The following OSBP2 variants were observed in gnomAD, a reference collection of about 807,000 sequenced individuals.
OSBP2 encodes the protein oxysterol-binding protein 2.
Under a neutral mutation model 96.0 loss-of-function variants are expected in OSBP2, and 66 were observed. That is an observed-to-expected ratio of 0.69 (90% CI 0.56 to 0.84). The LOEUF (loss-of-function observed/expected upper bound fraction) is 0.84. Among genes scored for constraint, OSBP2 ranks in the 40% least tolerant of loss-of-function variants. The pLI is 0.00. For missense variants in OSBP2, 1,038 were observed against 1,222.7 expected, an observed-to-expected ratio of 0.85 and a Z score of 2.25; for synonymous variants, 525 against 520.9, an observed-to-expected ratio of 1.01 and a Z score of -0.11.
chr22:30,778,668 A>G (rs1211979689), intron 2 of OSBP2, among the ~76,000 whole-genome samples: 1 of 152,122 alleles, frequency 6.6e-6, no homozygotes, highest in Admixed American at 6.6e-5. Context: ...TTTAAAAAAT[A>G]GAAGTGAGTG....
At chr22:30,864,009 C>T (rs1478376948) in intron 2 of OSBP2, among the ~76,000 whole-genome samples, 1 of 149,396 alleles carries the variant, frequency 6.7e-6, no homozygotes, top group African/African-American at 2.5e-5. Context: ...CTGACTCTGT[C>T]GCCCAGGCTG....
intron 2 of OSBP2, among the ~76,000 whole-genome samples, chr22:30,776,049 G>T (rs528701335): frequency 6.6e-6 from 1 of 151,726 alleles, no homozygotes; most frequent in Non-Finnish European, 1.5e-5. Flanking sequence ...TCCCACTTCA[G>T]CCTCCCAAAG....
intron 1 of OSBP2, among the ~76,000 whole-genome samples, chr22:30,701,940 A>G (rs1340878133): frequency 6.6e-6 from 1 of 152,200 alleles, no homozygotes; most frequent in East Asian, 1.9e-4. Flanking sequence ...AAGAGGTGAC[A>G]AATGGACTAG....
At position 30,774,130 on chromosome 22, in the gene OSBP2, G is replaced by A. The variant is rs201998288; in HGVS notation, c.853+32761G>A. 2.6e-5 allele frequency among the ~76,000 whole-genome samples: 4 copies of A among 152,278 alleles called. No individual in the cohort carries two copies. The East Asian group carries it at 7.7e-4, about 29-fold the overall frequency. ...TGGCTCATAAGAGAGAGGAGGCAAG[G>A]CTTGGACTCCCCAGGGGGGCTGGGC... On this transcript the variant is annotated intron_variant, in intron 2 of 13. Transcript: ENST00000332585.
intron 2 of OSBP2, among the ~76,000 whole-genome samples, chr22:30,805,307 A>G (rs2090914008): frequency 1.3e-5 from 2 of 152,242 alleles, no homozygotes; most frequent in South Asian, 4.1e-4. Flanking sequence ...ACTATTTGTC[A>G]ATAGAACACG....
intron 12 of OSBP2, among the ~76,000 whole-genome samples, 200 bp from the exon 13 acceptor site, chr22:30,905,637 A>G (rs2040314116): frequency 6.6e-6 from 1 of 152,240 alleles, no homozygotes; most frequent in Non-Finnish European, 1.5e-5. Flanking sequence ...TGTGGGGAGC[A>G]GAAGGCAGCT....
chr22:30,777,656 A>G (rs1569119168), intron 2 of OSBP2, among the ~76,000 whole-genome samples: 1 of 152,210 alleles, frequency 6.6e-6, no homozygotes, highest in Non-Finnish European at 1.5e-5. Context: ...GCTCAAGGCC[A>G]TTGCTTGATA....
chr22:30,796,774 C>T (rs2090769366), intron 2 of OSBP2, among the ~76,000 whole-genome samples: 1 of 152,226 alleles, frequency 6.6e-6, no homozygotes, highest in Admixed American at 6.5e-5. Flanking sequence ...TCCCAAAGTG[C>T]TGGGATTACA....
At position 30,840,740 on chromosome 22, in the gene OSBP2, G is replaced by A. The variant is rs149189566; in HGVS notation, c.854-29689G>A. ...ATTTGTTCCTTTCTGTATGGTGGGT[G>A]GGAGGACTTAATGAGATAATTAATG... On this transcript the variant is annotated intron_variant, in intron 2 of 13. Coordinates refer to ENST00000332585, the MANE Select transcript of OSBP2 (RefSeq NM_030758.4). Among the ~76,000 whole-genome samples, 15 of 152,196 alleles carry A rather than the reference G, an allele frequency of 9.9e-5. No homozygotes were observed. The East Asian group carries it at 2.9e-3, about 29-fold the overall frequency.
At chr22:30,835,549 G>A (rs58198077) in intron 2 of OSBP2, among the ~76,000 whole-genome samples, 7,406 of 152,052 alleles carry the variant, frequency 0.049, 602 homozygotes, top group African/African-American at 0.17. Flanking sequence ...GAATGTAGTT[G>A]AATTTATCAG....
intron 3 of OSBP2, among the ~76,000 whole-genome samples, chr22:30,875,219 C>G (rs1271098814): frequency 2.6e-5 from 4 of 152,074 alleles, no homozygotes; most frequent in African/African-American, 4.8e-5. Context: ...GCACCCCGCA[C>G]CCCCCTGCAC....
rs543239171 is a variant in OSBP2 at position 30,902,358 on chromosome 22, T to C, written c.2376-3479T>C. ...GATAAATTTAAAGGATTCTGCTATA[T>C]AGAATTCGATGAAGTGGATTCCCTT... On this transcript the variant is annotated intron_variant, in intron 12 of 13. Coordinates refer to ENST00000332585, the MANE Select transcript of OSBP2 (RefSeq NM_030758.4). 105 of 1,580,034 alleles carry C rather than the reference T, an allele frequency of 6.6e-5. No homozygotes were observed. In the South Asian group the frequency reaches 1.1e-3, roughly 16 times the overall value.
chr22:30,876,000 C>G (rs1368550221), intron 3 of OSBP2, among the ~76,000 whole-genome samples: 1 of 152,220 alleles, frequency 6.6e-6, no homozygotes, highest in Non-Finnish European at 1.5e-5. Flanking sequence ...CACATGCCCA[C>G]TTTTGAAGGC....
chr22:30,708,230 G>C (rs2089287470), intron 1 of OSBP2, among the ~76,000 whole-genome samples: 1 of 152,058 alleles, frequency 6.6e-6, no homozygotes, highest in South Asian at 2.1e-4. Flanking sequence ...AAGACTATGT[G>C]AGGATATTGA....
chr22:30,893,392 C>T, intron 9 of OSBP2, 71 bp from the exon 10 acceptor site: 1 of 1,541,220 alleles, frequency 6.5e-7, no homozygotes, highest in Non-Finnish European at 9.0e-7. Flanking sequence ...CTCAAGACAC[C>T]AGGCCTAAGG....
chr22:30,893,762 C>T (rs768939275), intron 11 of OSBP2, 29 bp downstream of exon 11: 4 of 1,611,934 alleles, frequency 2.5e-6, no homozygotes, highest in Admixed American at 3.4e-5. Context: ...CTCTAAGCAC[C>T]CCAGGGGGCC....
chr22:30,897,468 TCA>T (rs928441613), intron 12 of OSBP2, among the ~76,000 whole-genome samples: 16 of 152,280 alleles, frequency 1.1e-4, no homozygotes, highest in Admixed American at 6.5e-4. Context: ...AATGGAAGCC[TCA>T]GAGATTTAGA....
At chr22:30,753,162 C>A (rs991492019) in intron 2 of OSBP2, among the ~76,000 whole-genome samples, 1 of 152,106 alleles carries the variant, frequency 6.6e-6, no homozygotes, top group African/African-American at 2.4e-5. Context: ...AGGTGAGAAC[C>A]AAGACCCTCT....
At chr22:30,699,132 A>C (rs963686711) in intron 1 of OSBP2, among the ~76,000 whole-genome samples, 26 of 152,072 alleles carry the variant, frequency 1.7e-4, no homozygotes, top group Admixed American at 1.6e-3. Flanking sequence ...TTTAGTAGAC[A>C]CAAGGTTTCG....
Sources: allele counts gnomAD v4.1 joint callset (sites outside exome capture counted in the v4.1 genomes callset), GRCh38; gene constraint gnomAD v4.1.1; transcripts MANE v1.5; gene names NCBI Gene and HGNC (gene_info 2026-07-23, HGNC 2026-07-21).